The following BEND6 variants were observed in gnomAD, a reference collection of about 807,000 sequenced individuals.
BEND6 encodes BEN domain-containing protein 6.
Under a neutral mutation model 31.8 loss-of-function variants are expected in BEND6, and 24 were observed. The ratio of observed to expected loss-of-function variants is 0.75; its 90% confidence interval spans 0.55 to 1.06. The LOEUF (loss-of-function observed/expected upper bound fraction) is 1.06, where lower values mean the gene tolerates loss of function less well. Ranked by LOEUF, BEND6 falls within the 50% of genes least tolerant of loss-of-function variation. The pLI is 0.00. For synonymous variants in BEND6, 109 were observed against 114.6 expected, an observed-to-expected ratio of 0.95 and a Z score of 0.31; for missense variants, 294 against 327.4, an observed-to-expected ratio of 0.90 and a Z score of 0.79.
At chr6:57,010,430 G>A (rs1344901824) in intron 3 of BEND6, 2 of 153,074 alleles carry the variant, frequency 1.3e-5, no homozygotes, top group African/African-American at 4.8e-5. Context: ...CATTGACTAA[G>A]GTTTTTTTAA....
At chr6:57,007,431 T>C (rs893718907) in intron 3 of BEND6, among the ~76,000 whole-genome samples, 2 of 151,976 alleles carry the variant, frequency 1.3e-5, no homozygotes, top group African/African-American at 4.8e-5. Context: ...ATGAAACTAC[T>C]AGAAGAAAAC....
At chr6:57,008,695 A>G (rs1018188998) in intron 3 of BEND6, 1 of 153,556 alleles carries the variant, frequency 6.5e-6, no homozygotes, top group African/African-American at 2.4e-5. Context: ...GGAAATGCGT[A>G]TCAAAACCAC....
chr6:56,999,458 G>C (rs925191629), intron 3 of BEND6, among the ~76,000 whole-genome samples: 48 of 152,342 alleles, frequency 3.2e-4, no homozygotes, highest in African/African-American at 1.1e-3. Flanking sequence ...TCCTGGATTA[G>C]TTTAGGCCAC....
chr6:56,981,759 G>A lies in BEND6; in HGVS notation c.-52G>A, dbSNP rs374641839. ...CGTCCAGAATAGCATCATCTTCATG[G>A]GTATTCCCTACTCCTAGGATTTCAG... On this transcript the variant is annotated 5_prime_UTR_variant, in exon 2 of 7. Transcript: ENST00000370746. 6.9e-6 allele frequency: 11 copies of A among 1,594,534 alleles called. No homozygotes were observed. Among genetic ancestry groups the A allele is most frequent in the Admixed American group, 1.7e-5 (1 of 57,734 alleles).
chr6:56,986,009 T>C (rs574122113), intron 2 of BEND6, among the ~76,000 whole-genome samples: 1 of 152,328 alleles, frequency 6.6e-6, no homozygotes, highest in South Asian at 2.1e-4. Context: ...TAAAACTTGC[T>C]AACAAGAACT....
chr6:56,960,370 T>C (rs185938448), intron 1 of BEND6, among the ~76,000 whole-genome samples: 1 of 152,200 alleles, frequency 6.6e-6, no homozygotes, highest in South Asian at 2.1e-4. Flanking sequence ...AGATCCAAGA[T>C]GAAATTTGCC....
At chr6:56,968,312 CTTTTTTT>C (rs779756084) in intron 1 of BEND6, among the ~76,000 whole-genome samples, 1 of 65,986 alleles carries the variant, frequency 1.5e-5, no homozygotes, top group African/African-American at 6.6e-5. Context: ...TCTTTCTTTT[CTTTTTTT>C]TTTTTTTTTT....
chr6:57,011,827 A>AT (rs1010838615), intron 3 of BEND6, among the ~76,000 whole-genome samples: 1 of 152,056 alleles, frequency 6.6e-6, no homozygotes, highest in Non-Finnish European at 1.5e-5. Context: ...GAAAAGGAGC[A>AT]TTTAAAGAAG....
At chr6:57,016,360 A>G (rs1827559762) in intron 4 of BEND6, among the ~76,000 whole-genome samples, 1 of 152,244 alleles carries the variant, frequency 6.6e-6, no homozygotes, top group Admixed American at 6.5e-5. Context: ...ACCCAAATTT[A>G]TTATCTTAGA....
chr6:57,022,772 T>C (rs1827790440), intron 6 of BEND6, among the ~76,000 whole-genome samples: 1 of 152,222 alleles, frequency 6.6e-6, no homozygotes, highest in Non-Finnish European at 1.5e-5. Flanking sequence ...TGTTTATTGC[T>C]ACAAACTTCC....
At position 57,026,074 on chromosome 6, in the gene BEND6, T is replaced by C. The variant is rs1232676833; in HGVS notation, c.*10-8T>C. On this transcript the variant is annotated splice_region_variant and splice_polypyrimidine_tract_variant and intron_variant, in intron 6 of 6. Transcript: ENST00000370746. ...AATTTGTATTTCTTTGAAATTTGCT[T>C]TTTGTAGGTATTACAGGTATCTGAA... 2.0e-5 allele frequency: 3 copies of C among 152,228 alleles called. No individual in the cohort carries two copies. Among genetic ancestry groups the C allele is most frequent in the African/African-American group, 4.8e-5 (2 of 41,466 alleles). 9.4% of individuals were successfully genotyped at this position (152,228 alleles called of 1,614,324 possible). A position where few individuals can be genotyped will look rare whatever the true frequency, so the allele number is the denominator to read the frequency against.
At chr6:57,025,971 T>G (rs1188848519) in intron 6 of BEND6, 111 bp from the exon 7 acceptor site, 1 of 152,176 alleles carries the variant, frequency 6.6e-6, no homozygotes, top group Non-Finnish European at 1.5e-5. Context: ...ACAATTTGTA[T>G]TTTTAATACA....
At chr6:56,997,987 GA>G (rs2127869891) in intron 3 of BEND6, among the ~76,000 whole-genome samples, 1 of 151,946 alleles carries the variant, frequency 6.6e-6, no homozygotes, top group East Asian at 1.9e-4. Context: ...GGGGCGGCAA[GA>G]GGCATCTGGA....
chr6:56,981,581 G>A (rs1194096851), intron 1 of BEND6, 130 bp from the exon 2 acceptor site: 1 of 332,730 alleles, frequency 3.0e-6, no homozygotes, highest in African/African-American at 2.2e-5. Context: ...ATGAAAATGT[G>A]TACTAAATTA....
chr6:56,955,312 A>T lies in BEND6; in HGVS notation c.-249A>T, dbSNP rs955139328. On this transcript the variant is annotated 5_prime_UTR_variant, in exon 1 of 7. Coordinates refer to ENST00000370746, the MANE Select transcript of BEND6 (RefSeq NM_152731.3). ...TCCGCCTATCCAGCCTCCCTCGGCC[A>T]AATTGCTGCGGAGCCCGTCGTCAGG... is the stretch of plus-strand genomic sequence containing the variant. 5 of 152,228 alleles carry T rather than the reference A, an allele frequency of 3.3e-5. No individual in the cohort carries two copies. Among genetic ancestry groups the T allele is most frequent in the Admixed American group, 6.5e-5 (1 of 15,282 alleles). The allele number at this position is 152,228 out of a possible 1,614,324, so 9.4% of individuals were successfully genotyped here. A position where few individuals can be genotyped will look rare whatever the true frequency, so the allele number is the denominator to read the frequency against.
intron 3 of BEND6, among the ~76,000 whole-genome samples, chr6:57,006,388 T>C (rs758460712): frequency 6.6e-6 from 1 of 152,248 alleles, no homozygotes; most frequent in Non-Finnish European, 1.5e-5. Flanking sequence ...ATTCTTTAGA[T>C]GTTTTGAACA....
intron 1 of BEND6, among the ~76,000 whole-genome samples, chr6:56,973,954 T>C (rs1442367656): frequency 6.6e-6 from 1 of 152,198 alleles, no homozygotes; most frequent in Non-Finnish European, 1.5e-5. Context: ...GCTTTTGCCA[T>C]GTTGTCCAGA....
intron 1 of BEND6, among the ~76,000 whole-genome samples, chr6:56,957,432 A>C (rs952923588): frequency 1.3e-5 from 2 of 152,208 alleles, no homozygotes; most frequent in Non-Finnish European, 2.9e-5. Flanking sequence ...TTTTTTCCAA[A>C]TAACAGCATA....
intron 2 of BEND6, among the ~76,000 whole-genome samples, chr6:56,990,778 T>G (rs900217365): frequency 1.3e-5 from 2 of 152,186 alleles, no homozygotes; most frequent in Admixed American, 6.5e-5. Flanking sequence ...TTATATTAAT[T>G]CCATGGCTCA....
Sources: gnomAD v4.1 joint callset for allele counts (sites outside exome capture counted in the v4.1 genomes callset) on GRCh38, gnomAD v4.1.1 for gene constraint, MANE v1.5 for transcripts, NCBI Gene and HGNC (gene_info 2026-07-23, HGNC 2026-07-21) for gene names.